Variants in TAFA2 observed in about 807,000 individuals in gnomAD.
TAFA2 encodes chemokine-like protein TAFA-2.
TAFA2 carries 7 observed loss-of-function variants against 18.8 expected under a neutral mutation model. The observed-to-expected ratio is 0.37, with a 90% CI of 0.21 to 0.70. The LOEUF (loss-of-function observed/expected upper bound fraction) is 0.70, where lower values mean the gene tolerates loss of function less well. TAFA2 is among the 30% of genes least tolerant of loss of function. The probability of loss-of-function intolerance (pLI) is 0.53; values close to 1 mark genes in which losing one functional copy is unlikely to be tolerated. For missense variants in TAFA2, 122 were observed against 158.1 expected, an observed-to-expected ratio of 0.77 and a Z score of 1.23; for synonymous variants, 60 against 54.2, an observed-to-expected ratio of 1.11 and a Z score of -0.47.
intron 2 of TAFA2, among the ~76,000 whole-genome samples, chr12:61,821,455 T>G (rs1311797276): frequency 6.6e-6 from 1 of 151,886 alleles, no homozygotes; most frequent in African/African-American, 2.4e-5. Context: ...GCCTACTGAG[T>G]GTTATCTTTT....
intron 1 of TAFA2, among the ~76,000 whole-genome samples, chr12:62,056,830 G>GT (rs1212096302): frequency 2.0e-5 from 3 of 152,170 alleles, no homozygotes; most frequent in Non-Finnish European, 2.9e-5. Context: ...TACATCAAGC[G>GT]TAACAATAAC....
intron 2 of TAFA2, among the ~76,000 whole-genome samples, chr12:61,769,550 G>T (rs1869936182): frequency 6.6e-6 from 1 of 152,030 alleles, no homozygotes; most frequent in Non-Finnish European, 1.5e-5. Context: ...CCTGAAGACA[G>T]ATCACATCAC....
chr12:62,202,821 C>CCTTTTTTTTTTTTTTTTTTT (rs368047311), intron 1 of TAFA2, among the ~76,000 whole-genome samples: 3 of 61,626 alleles, frequency 4.9e-5, no homozygotes, highest in Non-Finnish European at 9.1e-5. Flanking sequence ...CTGTGTGGTT[C>CCTTTTTTTTTTTTTTTTTTT]TTTTTTTTTT....
chr12:62,237,390 A>C (rs985636457), intron 1 of TAFA2, among the ~76,000 whole-genome samples: 2 of 152,112 alleles, frequency 1.3e-5, no homozygotes, highest in Non-Finnish European at 2.9e-5. Context: ...TGACTTTTTA[A>C]ATTATTTTAA....
At chr12:61,828,534 A>G (rs116227449) in intron 2 of TAFA2, among the ~76,000 whole-genome samples, 115 of 151,950 alleles carry the variant, frequency 7.6e-4, no homozygotes, top group African/African-American at 2.5e-3. Flanking sequence ...TGAACCTATG[A>G]AAATGGGAGA....
chr12:61,982,894 A>AAAAAAAAAAAT (rs1879687896), intron 1 of TAFA2, among the ~76,000 whole-genome samples: 1 of 149,216 alleles, frequency 6.7e-6, no homozygotes, highest in Non-Finnish European at 1.5e-5. Flanking sequence ...AAAAAAAAAA[A>AAAAAAAAAAAT]GTTACTTTTT....
chr12:61,970,041 G>T (rs1313368708), intron 1 of TAFA2, among the ~76,000 whole-genome samples: 1 of 151,514 alleles, frequency 6.6e-6, no homozygotes, highest in African/African-American at 2.4e-5. Context: ...GCAGAAGTTT[G>T]GACCCTGCCA....
intron 1 of TAFA2, among the ~76,000 whole-genome samples, chr12:61,976,052 G>GA (rs1257550037): frequency 1.3e-5 from 2 of 151,592 alleles, no homozygotes; most frequent in Non-Finnish European, 1.5e-5. Context: ...AAGCTGGAAT[G>GA]AAAAAATAAA....
intron 1 of TAFA2, among the ~76,000 whole-genome samples, chr12:61,969,315 T>C (rs1879167500): frequency 6.6e-6 from 1 of 151,790 alleles, no homozygotes; most frequent in African/African-American, 2.4e-5. Flanking sequence ...CCTTGAAGAC[T>C]ATTATTCATT....
chr12:62,150,969 G>T (rs1351032822), intron 1 of TAFA2, among the ~76,000 whole-genome samples: 1 of 149,412 alleles, frequency 6.7e-6, no homozygotes, highest in African/African-American at 2.5e-5. Flanking sequence ...ACTGAAATAG[G>T]CACATCCAAG....
chr12:61,840,807 A>G lies in TAFA2; in HGVS notation c.106+26513T>C, dbSNP rs1002373169. On this transcript the variant is annotated intron_variant, in intron 2 of 4. Coordinates refer to ENST00000416284, the MANE Select transcript of TAFA2 (RefSeq NM_178539.5). ...AGTGGGAAAGTGAGGATGGTGGTAG[A>G]CAGGTAGATATTTGGGAGACCAATA... Among the ~76,000 whole-genome samples, 3 of 152,042 alleles carry G rather than the reference A, an allele frequency of 2.0e-5. No homozygotes were observed. The South Asian group carries it at 6.2e-4, about 31-fold the overall frequency.
At chr12:62,154,435 A>C (rs2136923190) in intron 1 of TAFA2, among the ~76,000 whole-genome samples, 1 of 152,312 alleles carries the variant, frequency 6.6e-6, no homozygotes, top group Middle Eastern at 3.4e-3. Flanking sequence ...GGAAGTTAGA[A>C]AATGTAGGCT....
At chr12:62,068,935 C>T (rs1882559195) in intron 1 of TAFA2, among the ~76,000 whole-genome samples, 1 of 152,124 alleles carries the variant, frequency 6.6e-6, no homozygotes, top group Non-Finnish European at 1.5e-5. Flanking sequence ...AAAGATGTGA[C>T]TCCTAAACTA....
chr12:62,258,253 C>A (rs2062949966), intron 1 of TAFA2: 1 of 152,148 alleles, frequency 6.6e-6, no homozygotes, highest in East Asian at 1.9e-4. Context: ...ATGGCAGTTA[C>A]TTAGGTCTAC....
intron 1 of TAFA2, among the ~76,000 whole-genome samples, chr12:62,152,575 A>G (rs2062336115): frequency 6.6e-6 from 1 of 152,198 alleles, no homozygotes; most frequent in Non-Finnish European, 1.5e-5. Context: ...ATGATAATTT[A>G]TCTCCTGCTT....
At chr12:62,085,188 G>A (rs1868402030) in intron 1 of TAFA2, among the ~76,000 whole-genome samples, 1 of 152,078 alleles carries the variant, frequency 6.6e-6, no homozygotes, top group South Asian at 2.1e-4. Flanking sequence ...GCTAAATATA[G>A]AAACTAGCCA....
intron 1 of TAFA2, among the ~76,000 whole-genome samples, chr12:62,045,517 G>A (rs1424625088): frequency 2.0e-5 from 3 of 152,144 alleles, no homozygotes; most frequent in South Asian, 2.1e-4. Context: ...GCAAAGTGCT[G>A]TGGATTCTGA....
chr12:61,711,047 T>G lies in TAFA2; in HGVS notation c.385-630A>C, dbSNP rs141354448. 8.5e-5 allele frequency among the ~76,000 whole-genome samples: 13 copies of G among 152,216 alleles called. No individual in the cohort carries two copies. The East Asian group carries it at 2.1e-3, about 25-fold the overall frequency. On this transcript the variant is annotated intron_variant, in intron 4 of 4. Coordinates refer to ENST00000416284, the MANE Select transcript of TAFA2 (RefSeq NM_178539.5). ...CAAATGTTAAAGGTGCCCCAAAATT[T>G]TCATAAAATTGATTGGAATATACTA...
chr12:62,193,017 T>A (rs77564676), upstream of TAFA2, among the ~76,000 whole-genome samples: 1,534 of 152,348 alleles, frequency 0.01, 21 homozygotes, highest in African/African-American at 0.03. Context: ...TGCAGCCCTA[T>A]TAAGCAAAGC....
Sources: gnomAD v4.1 joint callset for allele counts (sites outside exome capture counted in the v4.1 genomes callset) on GRCh38, gnomAD v4.1.1 for gene constraint, MANE v1.5 for transcripts, NCBI Gene and HGNC (gene_info 2026-07-23, HGNC 2026-07-21) for gene names.